Variants in COLEC12 observed in about 807,000 individuals in gnomAD.
The protein encoded by COLEC12 is collectin-12.
In COLEC12, 33 loss-of-function variants were observed where a neutral mutation model predicts 71.1. The ratio of observed to expected loss-of-function variants is 0.46; its 90% CI spans 0.35 to 0.62. The LOEUF (loss-of-function observed/expected upper bound fraction) is 0.62. Among genes scored for constraint, COLEC12 ranks in the 20% least tolerant of loss-of-function variants. The probability of loss-of-function intolerance (pLI) is 0.00; values close to 1 mark genes in which losing one functional copy is unlikely to be tolerated. For synonymous variants in COLEC12, 350 were observed against 353.0 expected (o/e 0.99, Z 0.10); for missense variants, 765 against 916.1 (o/e 0.84, Z 2.13).
intron 1 of COLEC12, among the ~76,000 whole-genome samples, chr18:488,428 A>C (rs868474547): frequency 2.0e-5 from 3 of 152,214 alleles, no homozygotes; most frequent in African/African-American, 7.2e-5. Context: ...AGAAAAAGAA[A>C]GAACTTTTGG....
At chr18:331,347 A>T (rs889625876) in intron 8 of COLEC12, among the ~76,000 whole-genome samples, 1 of 152,238 alleles carries the variant, frequency 6.6e-6, no homozygotes, top group Non-Finnish European at 1.5e-5. Flanking sequence ...GGGCTTCATC[A>T]TCTTTTCCCA....
intron 2 of COLEC12, among the ~76,000 whole-genome samples, chr18:465,890 T>C (rs1917075423): frequency 6.6e-6 from 1 of 151,866 alleles, no homozygotes. Context: ...CTGGGCAACA[T>C]GGCAAAACCC....
chr18:328,054 T>G (rs1163596380), intron 8 of COLEC12, among the ~76,000 whole-genome samples: 2 of 152,090 alleles, frequency 1.3e-5, no homozygotes, highest in Non-Finnish European at 2.9e-5. Flanking sequence ...CTCAGGCTGG[T>G]CTTGAACTCC....
At chr18:369,402 TTTTTATTTTTA>T (rs1431942551) in intron 2 of COLEC12, among the ~76,000 whole-genome samples, 1 of 94,214 alleles carries the variant, frequency 1.1e-5, no homozygotes, top group Non-Finnish European at 2.4e-5. Context: ...TTTTTATTTT[TTTTTATTTTTA>T]TTTTTATTTT....
Position 372,072 on chromosome 18 carries a change from C to A in COLEC12, c.59-14550G>T, listed in dbSNP as rs143685981. On this transcript the variant is annotated intron_variant, in intron 2 of 9. Transcript: ENST00000400256. ...TCCCTCAGGTGCCTTTGTGCAGTAC[C>A]AACACTGTGAACCAGACACTACGAC... Among the ~76,000 whole-genome samples the A allele has an allele frequency of 7.0e-4, 106 of 152,210 alleles. 3 individuals are homozygous for A. In the East Asian group the frequency reaches 0.019, roughly 27 times the overall value.
chr18:429,462 A>T (rs1310201041), intron 2 of COLEC12, among the ~76,000 whole-genome samples: 1 of 151,214 alleles, frequency 6.6e-6, no homozygotes, highest in Non-Finnish European at 1.5e-5. Context: ...GCTCATTGCA[A>T]CCTCTGCTTC....
At chr18:467,725 C>T (rs879883142) in intron 2 of COLEC12, among the ~76,000 whole-genome samples, 9 of 152,076 alleles carry the variant, frequency 5.9e-5, no homozygotes, top group Non-Finnish European at 8.8e-5. Context: ...GAACAGAGTT[C>T]GTTCAAAACA....
intron 5 of COLEC12, among the ~76,000 whole-genome samples, chr18:336,461 A>T (rs557016784): frequency 6.6e-6 from 1 of 152,360 alleles, no homozygotes; most frequent in South Asian, 2.1e-4. Flanking sequence ...CATGTAACAC[A>T]GGATTGTTTT....
rs115616276 is a variant in COLEC12, at chr18:339,249, G to A, written c.1328-4019C>T. Among the ~76,000 whole-genome samples the A allele has an allele frequency of 8.0e-3, 1,225 of 152,206 alleles. 15 individuals are homozygous for A. Among genetic ancestry groups the A allele is most frequent in the African/African-American group, 0.028 (1,169 of 41,522 alleles). ...ATGAATCCAAGGCCTCCCTCACCTG[G>A]GGTGACAGCTTTTCATTCATCCTAT... On this transcript the variant is annotated intron_variant, in intron 5 of 9. Transcript: ENST00000400256.
At chr18:421,329 C>T (rs891365316) in intron 2 of COLEC12, among the ~76,000 whole-genome samples, 1 of 152,134 alleles carries the variant, frequency 6.6e-6, no homozygotes, top group Admixed American at 6.5e-5. Context: ...CTATTCCCTA[C>T]GATCAGTAGA....
intron 3 of COLEC12, among the ~76,000 whole-genome samples, chr18:352,740 C>G (rs1709823897): frequency 6.6e-6 from 1 of 152,148 alleles, no homozygotes; most frequent in African/African-American, 2.4e-5. Context: ...GCTGTAACAG[C>G]ACACAGCACT....
At chr18:350,928 C>T (rs564805612) in intron 3 of COLEC12, among the ~76,000 whole-genome samples, 1 of 149,636 alleles carries the variant, frequency 6.7e-6, no homozygotes, top group East Asian at 2.0e-4. Context: ...CCATTGCACT[C>T]CAGCCTGGGC....
At chr18:428,196 G>A (rs1027452810) in intron 2 of COLEC12, among the ~76,000 whole-genome samples, 4 of 152,008 alleles carry the variant, frequency 2.6e-5, no homozygotes, top group Non-Finnish European at 5.9e-5. Flanking sequence ...CCCAAGAGGT[G>A]GAGGTTGCGT....
intron 2 of COLEC12, among the ~76,000 whole-genome samples, chr18:377,863 C>G (rs947718074): frequency 6.6e-6 from 1 of 151,862 alleles, no homozygotes; most frequent in African/African-American, 2.4e-5. Flanking sequence ...TGGGCTGGAA[C>G]CTGGTGAGGA....
intron 2 of COLEC12, among the ~76,000 whole-genome samples, chr18:451,183 C>T (rs1338364245): frequency 6.6e-6 from 1 of 152,246 alleles, no homozygotes; most frequent in Non-Finnish European, 1.5e-5. Context: ...CTCCTGCCTG[C>T]TCCCTGTCAG....
chr18:338,803 CCAAAA>C (rs1285888615), intron 5 of COLEC12, among the ~76,000 whole-genome samples: 1 of 151,994 alleles, frequency 6.6e-6, no homozygotes, highest in East Asian at 1.9e-4. Flanking sequence ...ACAATTTAGG[CCAAAA>C]CAAAACAAAA....
At chr18:330,487 G>A (rs1490212880) in intron 8 of COLEC12, among the ~76,000 whole-genome samples, 2 of 123,778 alleles carry the variant, frequency 1.6e-5, no homozygotes, top group African/African-American at 5.3e-5. Flanking sequence ...GTTACTCAGA[G>A]GGTTTTTTTT....
chr18:414,935 G>C (rs1194750466), intron 2 of COLEC12, among the ~76,000 whole-genome samples: 1 of 152,224 alleles, frequency 6.6e-6, no homozygotes, highest in Non-Finnish European at 1.5e-5. Context: ...AAGCAAGGAA[G>C]GATTGCAGGA....
intron 2 of COLEC12, among the ~76,000 whole-genome samples, chr18:419,572 T>C (rs9973007): frequency 0.92 from 139,424 of 152,292 alleles, 64,561 homozygotes; most frequent in East Asian, 1. Context: ...TATCAAAACG[T>C]TTCTAACAAA....
Sources: allele counts gnomAD v4.1 joint callset (sites outside exome capture counted in the v4.1 genomes callset), GRCh38; gene constraint gnomAD v4.1.1; transcripts MANE v1.5; gene names NCBI Gene and HGNC (gene_info 2026-07-23, HGNC 2026-07-21).